The following HS6ST3 variants were observed in gnomAD, a reference collection of about 807,000 sequenced individuals.
The protein encoded by HS6ST3 is heparan-sulfate 6-O-sulfotransferase 3.
HS6ST3 carries 12 observed loss-of-function variants against 36.7 expected under a neutral mutation model. That is an observed-to-expected ratio of 0.33 (90% CI 0.21 to 0.53). The LOEUF (loss-of-function observed/expected upper bound fraction) is 0.53. Among genes scored for constraint, HS6ST3 ranks in the 20% least tolerant of loss-of-function variants. The pLI, the probability that HS6ST3 is intolerant of heterozygous loss-of-function variation, is 0.95. For missense variants in HS6ST3, 584 were observed against 640.9 expected (o/e 0.91, Z 0.96); for synonymous variants, 240 against 257.5 (o/e 0.93, Z 0.65).
intron 1 of HS6ST3, among the ~76,000 whole-genome samples, chr13:96,370,368 T>A (rs1446497612): frequency 6.6e-6 from 1 of 152,238 alleles, no homozygotes; most frequent in Non-Finnish European, 1.5e-5. Context: ...ATTTGTTGAT[T>A]GCTTATTTTT....
chr13:96,801,586 C>A (rs1422238999), intron 1 of HS6ST3, among the ~76,000 whole-genome samples: 2 of 152,140 alleles, frequency 1.3e-5, no homozygotes, highest in East Asian at 3.9e-4. Context: ...TACATAATCT[C>A]ATGAACTGTC....
intron 1 of HS6ST3, among the ~76,000 whole-genome samples, chr13:96,261,824 T>C (rs1431986415): frequency 6.6e-6 from 1 of 152,176 alleles, no homozygotes; most frequent in Non-Finnish European, 1.5e-5. Flanking sequence ...GTTTCTGACA[T>C]TGAAATATGA....
chr13:96,776,328 A>C (rs1182335974), intron 1 of HS6ST3, among the ~76,000 whole-genome samples: 1 of 152,180 alleles, frequency 6.6e-6, no homozygotes, highest in East Asian at 1.9e-4. Flanking sequence ...GAATACAAAA[A>C]ATAACTAAGA....
chr13:96,549,276 C>T (rs1306450572), intron 1 of HS6ST3, among the ~76,000 whole-genome samples: 1 of 152,012 alleles, frequency 6.6e-6, no homozygotes, highest in Non-Finnish European at 1.5e-5. Flanking sequence ...TAAAGAACTT[C>T]TGTAGCCTGT....
chr13:96,719,444 T>C (rs183027874), intron 1 of HS6ST3, among the ~76,000 whole-genome samples: 7 of 152,274 alleles, frequency 4.6e-5, no homozygotes, highest in Non-Finnish European at 7.4e-5. Context: ...TTATTAAGGT[T>C]TTCATAAATA....
intron 1 of HS6ST3, among the ~76,000 whole-genome samples, chr13:96,300,834 A>T (rs2054878494): frequency 6.6e-6 from 1 of 152,216 alleles, no homozygotes; most frequent in South Asian, 2.1e-4. Context: ...TAATAATAGT[A>T]ACAACTTAAT....
At chr13:96,457,954 G>A (rs1372741240) in intron 1 of HS6ST3, among the ~76,000 whole-genome samples, 3 of 151,340 alleles carry the variant, frequency 2.0e-5, no homozygotes, top group Non-Finnish European at 4.4e-5. Context: ...TACTGGGTTC[G>A]GTAGCTAGTG....
intron 1 of HS6ST3, among the ~76,000 whole-genome samples, chr13:96,771,010 A>G (rs1877250194): frequency 6.6e-6 from 1 of 152,136 alleles, no homozygotes; most frequent in Admixed American, 6.5e-5. Context: ...ATTGTTGGAC[A>G]TTTGGGTTGG....
At chr13:96,353,078 G>A (rs1001046230) in intron 1 of HS6ST3, among the ~76,000 whole-genome samples, 4 of 133,588 alleles carry the variant, frequency 3.0e-5, no homozygotes, top group Non-Finnish European at 4.7e-5. Flanking sequence ...TTTTTGAGAC[G>A]GAGTCTTGCT....
intron 1 of HS6ST3, among the ~76,000 whole-genome samples, chr13:96,710,814 G>T (rs1875544434): frequency 6.6e-6 from 1 of 152,248 alleles, no homozygotes; most frequent in African/African-American, 2.4e-5. Flanking sequence ...TGTGAGCAGA[G>T]AGGTGAGGAT....
chr13:96,741,314 G>A (rs1245843641), intron 1 of HS6ST3, among the ~76,000 whole-genome samples: 2 of 152,148 alleles, frequency 1.3e-5, no homozygotes, highest in Non-Finnish European at 2.9e-5. Context: ...AATTTCAAAA[G>A]AATCAGCTTC....
intron 1 of HS6ST3, among the ~76,000 whole-genome samples, chr13:96,478,380 G>A (rs1008228406): frequency 1.3e-5 from 2 of 151,992 alleles, no homozygotes; most frequent in Admixed American, 1.3e-4. Context: ...AGTCCTAAGC[G>A]GCAAAAAAGG....
At chr13:96,284,515 C>T (rs921969889) in intron 1 of HS6ST3, among the ~76,000 whole-genome samples, 2 of 152,150 alleles carry the variant, frequency 1.3e-5, no homozygotes, top group African/African-American at 4.8e-5. Context: ...TGTTCTTCTG[C>T]CTGCTTTTAT....
intron 1 of HS6ST3, among the ~76,000 whole-genome samples, chr13:96,571,154 C>G (rs778413036): frequency 5.3e-5 from 8 of 152,204 alleles, no homozygotes; most frequent in Non-Finnish European, 1.2e-4. Context: ...TTCACTTATT[C>G]TATTCACAGC....
intron 1 of HS6ST3, among the ~76,000 whole-genome samples, chr13:96,200,682 A>G (rs968167545): frequency 5.9e-5 from 9 of 152,144 alleles, no homozygotes; most frequent in Non-Finnish European, 1.3e-4. Context: ...AAACTACTTG[A>G]GGGCAAGAAT....
At chr13:96,560,762 C>A (rs139045754) in intron 1 of HS6ST3, among the ~76,000 whole-genome samples, 1 of 152,020 alleles carries the variant, frequency 6.6e-6, no homozygotes, top group Non-Finnish European at 1.5e-5. Context: ...AAATCAAGAA[C>A]GTAATGCCAT....
At chr13:96,150,554 A>G (rs1193402103) in intron 1 of HS6ST3, among the ~76,000 whole-genome samples, 8 of 152,210 alleles carry the variant, frequency 5.3e-5, no homozygotes, top group Non-Finnish European at 2.9e-5. Flanking sequence ...AAATGGAGAT[A>G]GATTTCCAGC....
At chr13:96,195,905 T>C (rs12585655) in intron 1 of HS6ST3, among the ~76,000 whole-genome samples, 30,879 of 152,144 alleles carry the variant, frequency 0.2, 3,944 homozygotes, top group East Asian at 0.27. Context: ...GAACAGTACC[T>C]GGCATGTAGT....
chr13:96,743,084 T>G (rs528301194), intron 1 of HS6ST3, among the ~76,000 whole-genome samples: 1 of 152,092 alleles, frequency 6.6e-6, no homozygotes, highest in Admixed American at 6.6e-5. Flanking sequence ...TTATTTTTCA[T>G]GTAGCAACAG....
Sources: allele counts gnomAD v4.1 joint callset (sites outside exome capture counted in the v4.1 genomes callset), GRCh38; gene constraint gnomAD v4.1.1; transcripts MANE v1.5; gene names NCBI Gene and HGNC (gene_info 2026-07-23, HGNC 2026-07-21).